The following SCHIP1 variants were observed in gnomAD, a reference collection of about 807,000 sequenced individuals.
SCHIP1 encodes the protein schwannomin-interacting protein 1.
A neutral mutation model predicts 29.7 loss-of-function variants in SCHIP1; 8 were observed. The ratio of observed to expected loss-of-function variants is 0.27; its 90% CI spans 0.16 to 0.49. The LOEUF (loss-of-function observed/expected upper bound fraction) is 0.49, where lower values mean the gene tolerates loss of function less well. Among genes scored for constraint, SCHIP1 ranks in the 20% least tolerant of loss-of-function variants. SCHIP1 has a pLI of 0.99. For synonymous variants in SCHIP1, 76 were observed against 94.9 expected (o/e 0.80, Z 1.16); for missense variants, 193 against 294.6 (o/e 0.66, Z 2.52).
At chr3:159,372,927 A>G in the SCHIP1 span, among the ~76,000 whole-genome samples, 1 of 152,090 alleles carries the variant, frequency 6.6e-6, no homozygotes, top group African/African-American at 2.4e-5. Context: ...GAGAATATTT[A>G]CCACATATCT....
At chr3:159,285,515 C>T in the SCHIP1 span, among the ~76,000 whole-genome samples, 1 of 152,020 alleles carries the variant, frequency 6.6e-6, no homozygotes, top group Admixed American at 6.6e-5. Flanking sequence ...ATTTTAATAA[C>T]ATAAGAACAA....
At chr3:159,396,313 C>T in the SCHIP1 span, among the ~76,000 whole-genome samples, 1 of 150,054 alleles carries the variant, frequency 6.7e-6, no homozygotes, top group Non-Finnish European at 1.5e-5. Flanking sequence ...GCATTTAGTC[C>T]ATTTACATTT....
the SCHIP1 span, among the ~76,000 whole-genome samples, chr3:159,602,503 G>A: frequency 6.6e-6 from 1 of 152,116 alleles, no homozygotes; most frequent in Non-Finnish European, 1.5e-5. Context: ...GAGGTCAGGA[G>A]TTCGAGACCA....
chr3:159,342,480 G>T, the SCHIP1 span, among the ~76,000 whole-genome samples: 3,620 of 152,212 alleles, frequency 0.024, 69 homozygotes, highest in East Asian at 0.11. Flanking sequence ...GACATATAGT[G>T]CAGGAAATAT....
chr3:159,818,389 A>T, the SCHIP1 span, among the ~76,000 whole-genome samples: 31 of 152,356 alleles, frequency 2.0e-4, no homozygotes, highest in South Asian at 6.2e-3. Flanking sequence ...GATCACTTGG[A>T]AACCTCCTGA....
chr3:159,497,323 C>A, the SCHIP1 span, among the ~76,000 whole-genome samples: 1 of 151,978 alleles, frequency 6.6e-6, no homozygotes, highest in African/African-American at 2.4e-5. Context: ...GTTGATACCA[C>A]TCTTTATCAA....
chr3:159,715,444 A>G, the SCHIP1 span, among the ~76,000 whole-genome samples: 1 of 152,240 alleles, frequency 6.6e-6, no homozygotes, highest in Non-Finnish European at 1.5e-5. Flanking sequence ...CAGTAATAAC[A>G]AACCTCTCTG....
chr3:159,665,546 T>TTGTGTG, the SCHIP1 span, among the ~76,000 whole-genome samples: 1,014 of 147,554 alleles, frequency 6.9e-3, 18 homozygotes, highest in African/African-American at 0.024. Flanking sequence ...GTTTTTGGGG[T>TTGTGTG]TGTGTGTGTG....
the SCHIP1 span, among the ~76,000 whole-genome samples, chr3:159,302,702 G>C: frequency 3.7e-4 from 57 of 152,244 alleles, no homozygotes; most frequent in Middle Eastern, 3.4e-3. Flanking sequence ...CATTCAAACT[G>C]ATTAAAAATT....
chr3:159,653,154 T>C, the SCHIP1 span, among the ~76,000 whole-genome samples: 1 of 152,188 alleles, frequency 6.6e-6, no homozygotes, highest in Non-Finnish European at 1.5e-5. Context: ...TATAAATTAG[T>C]TTAACCATTG....
At chr3:159,847,324 C>G (rs1446497638) in intron 1 of SCHIP1, among the ~76,000 whole-genome samples, 1 of 152,190 alleles carries the variant, frequency 6.6e-6, no homozygotes, top group Non-Finnish European at 1.5e-5. Flanking sequence ...TAATAGAGCC[C>G]TATCCCATTG....
the SCHIP1 span, among the ~76,000 whole-genome samples, chr3:159,804,759 C>T: frequency 2.1e-3 from 323 of 152,344 alleles, 1 homozygote; most frequent in African/African-American, 7.4e-3. Context: ...GGAAAGGCTT[C>T]AGAATGTGTT....
the SCHIP1 span, among the ~76,000 whole-genome samples, chr3:159,487,722 T>G: frequency 6.6e-6 from 1 of 152,210 alleles, no homozygotes; most frequent in East Asian, 1.9e-4. Flanking sequence ...CTAAGAAAAG[T>G]GTCTATTCTT....
At chr3:159,730,809 T>G in the SCHIP1 span, among the ~76,000 whole-genome samples, 1 of 152,194 alleles carries the variant, frequency 6.6e-6, no homozygotes, top group Non-Finnish European at 1.5e-5. Flanking sequence ...TGGGATGGGT[T>G]AGCCATTTAC....
chr3:159,683,852 C>T, the SCHIP1 span, among the ~76,000 whole-genome samples: 63 of 152,300 alleles, frequency 4.1e-4, no homozygotes, highest in African/African-American at 1.4e-3. Context: ...TAAAAAGCAT[C>T]GTCCTAGATT....
chr3:159,577,202 A>G, the SCHIP1 span, among the ~76,000 whole-genome samples: 1 of 152,184 alleles, frequency 6.6e-6, no homozygotes. Flanking sequence ...TACTTTAGCT[A>G]AAGATTCATT....
At chr3:159,776,264 A>C in the SCHIP1 span, among the ~76,000 whole-genome samples, 4 of 151,968 alleles carry the variant, frequency 2.6e-5, no homozygotes, top group Non-Finnish European at 5.9e-5. Flanking sequence ...GCAGTCTTAC[A>C]TAATTTTTGG....
chr3:159,704,892 CTTT>C, the SCHIP1 span, among the ~76,000 whole-genome samples: 1 of 77,000 alleles, frequency 1.3e-5, no homozygotes, highest in African/African-American at 1.1e-4. Flanking sequence ...TTCTTTCTTT[CTTT>C]CTTTCTTTCT....
the SCHIP1 span, among the ~76,000 whole-genome samples, chr3:159,542,423 T>A: frequency 6.6e-6 from 1 of 152,076 alleles, no homozygotes; most frequent in Non-Finnish European, 1.5e-5. Context: ...ACATATTAAC[T>A]TGCATTTTCT....
Sources: allele counts gnomAD v4.1 joint callset (sites outside exome capture counted in the v4.1 genomes callset), GRCh38; gene constraint gnomAD v4.1.1; transcripts MANE v1.5; gene names NCBI Gene and HGNC (gene_info 2026-07-23, HGNC 2026-07-21).